The following RHBDL3 variants were observed in gnomAD, a reference collection of about 807,000 sequenced individuals.
RHBDL3 encodes the protein rhomboid like 3, also known as rhomboid-related protein 3.
Under a neutral mutation model 48.2 loss-of-function variants are expected in RHBDL3, and 28 were observed. The observed-to-expected ratio is 0.58, with a 90% CI of 0.43 to 0.80. The LOEUF is 0.80. RHBDL3 is among the 30% of genes least tolerant of loss of function. The pLI is 0.00. For missense variants in RHBDL3, 464 were observed against 542.7 expected (o/e 0.85, Z 1.44); for synonymous variants, 208 against 232.3 (o/e 0.90, Z 0.95).
At chr17:32,311,045 G>A (rs2040837455) in intron 7 of RHBDL3, among the ~76,000 whole-genome samples, 1 of 152,212 alleles carries the variant, frequency 6.6e-6, no homozygotes, top group African/African-American at 2.4e-5. Context: ...GATAGATATA[G>A]AAAGCTGTAT....
rs570706394 is a variant in RHBDL3 at position 32,321,326 on chromosome 17, C to G, written c.*97C>G. 2 of 1,572,454 alleles carry G rather than the reference C, an allele frequency of 1.3e-6. No homozygotes were observed. Among genetic ancestry groups the G allele is most frequent in the African/African-American group, 2.7e-5 (2 of 74,148 alleles). On this transcript the variant is annotated 3_prime_UTR_variant, in exon 9 of 9. Coordinates refer to ENST00000269051, the MANE Select transcript of RHBDL3 (RefSeq NM_138328.3). ...TCATCACCAGCTCAGCTAGGCCGGGCAGACAAGGACAGAAGACTCTGGGCC... is the reference window on the plus strand; with the variant it reads ...TCATCACCAGCTCAGCTAGGCCGGGGAGACAAGGACAGAAGACTCTGGGCC...
intron 1 of RHBDL3, among the ~76,000 whole-genome samples, chr17:32,266,965 C>A (rs1468082565): frequency 6.6e-6 from 1 of 152,082 alleles, no homozygotes; most frequent in African/African-American, 2.4e-5. Flanking sequence ...GCTTCCCCGC[C>A]GTCTGCTGCT....
Position 32,292,801 on chromosome 17 carries a change from C to CAA in RHBDL3, c.520-1473_520-1472dup, listed in dbSNP as rs60403728. ...TGGGCGACAGAGCGAGACTCCACCT[C>CAA]AAAAAAAAAAAAAAAAAAAAAGGAA... On this transcript the variant is annotated intron_variant, in intron 4 of 8. Coordinates refer to ENST00000269051, the MANE Select transcript of RHBDL3 (RefSeq NM_138328.3). Among the ~76,000 whole-genome samples the CAA allele has an allele frequency of 5.8e-3, 450 of 77,206 alleles. 12 individuals are homozygous for CAA. The highest frequency in any genetic ancestry group is 0.017 in the African/African-American group (343 of 19,848). 50.7% of individuals were successfully genotyped at this position (77,206 alleles called of 152,430 possible). A position where few individuals can be genotyped will look rare whatever the true frequency, so the allele number is the denominator to read the frequency against.
At chr17:32,282,107 G>A (rs373531070) in intron 2 of RHBDL3, among the ~76,000 whole-genome samples, 15 of 152,230 alleles carry the variant, frequency 9.9e-5, no homozygotes, top group African/African-American at 3.6e-4. Flanking sequence ...AACAGTATTT[G>A]GCTCCATGAA....
intron 8 of RHBDL3, among the ~76,000 whole-genome samples, chr17:32,317,772 G>A (rs2041010663): frequency 6.6e-6 from 1 of 152,208 alleles, no homozygotes; most frequent in African/African-American, 2.4e-5. Context: ...CAACAAGAGA[G>A]TTATTGATGG....
At chr17:32,300,080 C>T (rs1400111559) in intron 6 of RHBDL3, among the ~76,000 whole-genome samples, 1 of 152,190 alleles carries the variant, frequency 6.6e-6, no homozygotes, top group Non-Finnish European at 1.5e-5. Flanking sequence ...TCTCCCCCAG[C>T]ACAGATATGG....
rs2040686056 is a variant in RHBDL3 at position 32,305,425 on chromosome 17, T to TG, written c.868dup (p.Ala290GlyfsTer174). ...GTGTATGCTCTCGTCTCTGCCCATCTGGCCAACATTGTCATGGTGAGCACC... is the reference window on the plus strand; with the variant it reads ...GTGTATGCTCTCGTCTCTGCCCATCTGGGCCAACATTGTCATGGTGAGCACC... On this transcript the variant is annotated frameshift_variant, in exon 7 of 9. Transcript: ENST00000269051. LOFTEE classifies it high-confidence loss of function. 6.2e-7 allele frequency: 1 copy of TG among 1,610,778 alleles called. No individual in the cohort carries two copies. The highest frequency in any genetic ancestry group is 1.3e-5 in the African/African-American group (1 of 74,858).
rs2041189397 is a variant in RHBDL3 at position 32,323,434 on chromosome 17, T to C, written c.*2205T>C. 1 of 152,390 alleles carries C rather than the reference T, an allele frequency of 6.6e-6. No homozygotes were observed. The highest frequency in any genetic ancestry group is 2.4e-5 in the African/African-American group (1 of 41,440). The allele number at this position is 152,390 out of a possible 1,614,324, so 9.4% of individuals were successfully genotyped here. A position where few individuals can be genotyped will look rare whatever the true frequency, so the allele number is the denominator to read the frequency against. On this transcript the variant is annotated 3_prime_UTR_variant, in exon 9 of 9. Transcript: ENST00000269051. ...GCCTCTGCCTGGGCTGCAGCCGCAC[T>C]AAGCTGAGCGATGAGGTCCTTTCCT...
chr17:32,293,254 G>T (rs1188589785), intron 4 of RHBDL3, among the ~76,000 whole-genome samples: 3 of 151,920 alleles, frequency 2.0e-5, no homozygotes, highest in Non-Finnish European at 2.9e-5. Context: ...AGTAGTGATG[G>T]TAGCGCAGCA....
At chr17:32,312,520 TG>T (rs1274191214) in intron 7 of RHBDL3, among the ~76,000 whole-genome samples, 5 of 151,944 alleles carry the variant, frequency 3.3e-5, no homozygotes, top group Non-Finnish European at 7.4e-5. Context: ...CAGCACTTTT[TG>T]TTTTGTTGTT....
intron 7 of RHBDL3, among the ~76,000 whole-genome samples, chr17:32,309,047 CAGAGAG>C (rs10586485): frequency 2.6e-5 from 4 of 151,316 alleles, no homozygotes; most frequent in Non-Finnish European, 4.4e-5. Context: ...GCCTGGGTGA[CAGAGAG>C]AGAGAGACCC....
chr17:32,305,000 A>C (rs2040673811), intron 6 of RHBDL3, among the ~76,000 whole-genome samples: 1 of 152,170 alleles, frequency 6.6e-6, no homozygotes, highest in Admixed American at 6.5e-5. Flanking sequence ...GCACGACTGT[A>C]GTTCCAGCTA....
chr17:32,292,398 T>C (rs1220369554), intron 4 of RHBDL3, among the ~76,000 whole-genome samples: 2 of 152,134 alleles, frequency 1.3e-5, no homozygotes, highest in Admixed American at 6.6e-5. Context: ...CCCAAAAGAA[T>C]TGAAAGGGAC....
At chr17:32,275,267 C>T (rs371743119) in intron 2 of RHBDL3, among the ~76,000 whole-genome samples, 21 of 152,188 alleles carry the variant, frequency 1.4e-4, no homozygotes, top group African/African-American at 3.9e-4. Flanking sequence ...CAGGCTGGGC[C>T]GGATGAGTCA....
rs527672230 is a variant in RHBDL3 at position 32,307,137 on chromosome 17, A to G, written c.882+1696A>G. 6.6e-5 allele frequency among the ~76,000 whole-genome samples: 10 copies of G among 152,254 alleles called. No individual in the cohort carries two copies. The East Asian group carries it at 1.7e-3, about 26-fold the overall frequency. On this transcript the variant is annotated intron_variant, in intron 7 of 8. Transcript: ENST00000269051. Reference sequence around the variant, plus strand: ...TTTTTGGAGGCGGTCTGAAGTCTGAAGGCTGATGGAGGAGTCAGTGGCTAA... The same window carrying G: ...TTTTTGGAGGCGGTCTGAAGTCTGAGGGCTGATGGAGGAGTCAGTGGCTAA...
At chr17:32,313,764 T>A (rs1261283972) in intron 7 of RHBDL3, among the ~76,000 whole-genome samples, 20 of 142,620 alleles carry the variant, frequency 1.4e-4, no homozygotes, top group Non-Finnish European at 2.8e-4. Context: ...TTTTTTTTTT[T>A]TTTTTTTTTT....
chr17:32,278,188 C>T lies in RHBDL3; in HGVS notation c.136-6471C>T, dbSNP rs1283696962. 2.6e-5 allele frequency among the ~76,000 whole-genome samples: 4 copies of T among 152,200 alleles called. No individual in the cohort carries two copies. The East Asian group carries it at 7.7e-4, about 29-fold the overall frequency. ...GTGGTGGGTGCTGTAGTCCCAGCTA[C>T]TCGGGAGGCTGAGGCAGGAAAATTG... On this transcript the variant is annotated intron_variant, in intron 2 of 8. Transcript: ENST00000269051.
At chr17:32,267,449 T>G (rs924765547) in intron 1 of RHBDL3, among the ~76,000 whole-genome samples, 8 of 144,950 alleles carry the variant, frequency 5.5e-5, no homozygotes, top group African/African-American at 1.9e-4. Context: ...AGGGGGGGGC[T>G]CTAGCTCCCA....
At chr17:32,281,964 G>A (rs376825676) in intron 2 of RHBDL3, among the ~76,000 whole-genome samples, 3 of 152,274 alleles carry the variant, frequency 2.0e-5, no homozygotes, top group African/African-American at 7.2e-5. Context: ...GCCGCTTGCC[G>A]GGCAAATCAC....
Sources: allele counts gnomAD v4.1 joint callset (sites outside exome capture counted in the v4.1 genomes callset), GRCh38; gene constraint gnomAD v4.1.1; transcripts MANE v1.5; gene names NCBI Gene and HGNC (gene_info 2026-07-23, HGNC 2026-07-21).